Variants in ZIK1 observed in about 807,000 individuals in gnomAD.
The protein encoded by ZIK1 is zinc finger protein interacting with ribonucleoprotein K.
ZIK1 carries 12 observed loss-of-function variants against 10.7 expected under a neutral mutation model. The ratio of observed to expected loss-of-function variants is 1.12; its 90% CI spans 0.72 to 1.81. ZIK1 has a LOEUF of 1.81. Ranked by LOEUF, ZIK1 falls within the 40% of genes most tolerant of loss-of-function variation. ZIK1 has a pLI of 0.00. For synonymous variants in ZIK1, 190 were observed against 205.0 expected (o/e 0.93, Z 0.63); for missense variants, 497 against 585.7 (o/e 0.85, Z 1.56).
chr19:57,584,169 T>C lies in ZIK1; in HGVS notation c.-188T>C. ...CAGTGGCGGTCATTTTTGCAGCGCTTGGGTGCATCCAGACCGTCAGAGCTT... is the reference window on the plus strand; with the variant it reads ...CAGTGGCGGTCATTTTTGCAGCGCTCGGGTGCATCCAGACCGTCAGAGCTT... On this transcript the variant is annotated 5_prime_UTR_variant, in exon 1 of 4. Coordinates refer to ENST00000597850, the MANE Select transcript of ZIK1 (RefSeq NM_001010879.4). The C allele has an allele frequency of 1.8e-6, 2 of 1,131,390 alleles. No homozygotes were observed. The highest frequency in any genetic ancestry group is 1.7e-5 in the South Asian group (1 of 60,008). 70.1% of individuals were successfully genotyped at this position (1,131,390 alleles called of 1,614,324 possible).
chr19:57,593,531 CTG>C lies in ZIK1; in HGVS notation c.*2260_*2261del, dbSNP rs1979884632. On this transcript the variant is annotated 3_prime_UTR_variant, in exon 4 of 4. Transcript: ENST00000597850. ...AATATGCAGAAATGCTTTATTTCTC[CTG>C]TGTCAGTAGTACAGTGTACGTGAAT... is the stretch of plus-strand genomic sequence containing the variant. 1 of 152,090 alleles carries C rather than the reference CTG, an allele frequency of 6.6e-6. No homozygotes were observed. Among genetic ancestry groups the C allele is most frequent in the Non-Finnish European group, 1.5e-5 (1 of 68,030 alleles). The allele number at this position is 152,090 out of a possible 1,614,324, so 9.4% of individuals were successfully genotyped here.
chr19:57,589,435 T>A (rs1293847627), intron 3 of ZIK1: 7 of 985,450 alleles, frequency 7.1e-6, no homozygotes, highest in Non-Finnish European at 8.4e-6. Context: ...TCTCTCTTAT[T>A]ATTTTTATCT....
chr19:57,584,502 C>T (rs1479377071), intron 1 of ZIK1, 113 bp downstream of exon 1: 1 of 1,439,414 alleles, frequency 6.9e-7, no homozygotes, highest in African/African-American at 1.4e-5. Context: ...GGTGGGGTCC[C>T]TATTTCCAGA....
At position 57,591,019 on chromosome 19, in the gene ZIK1, G is replaced by A; in HGVS notation, c.1208G>A (p.Gly403Glu). 3 of 1,614,138 alleles carry A rather than the reference G, an allele frequency of 1.9e-6. No homozygotes were observed. Among genetic ancestry groups the A allele is most frequent in the Non-Finnish European group, 2.5e-6 (3 of 1,180,022 alleles). ...TLIKHQRVHT[G>E]ERPYKCGDCG... is the part of the protein sequence containing the mutation. Reference sequence around the variant, plus strand: ...ATTAAACACCAGAGAGTTCACACTGGAGAAAGGCCTTATAAGTGTGGTGAC... The same window carrying A: ...ATTAAACACCAGAGAGTTCACACTGAAGAAAGGCCTTATAAGTGTGGTGAC... The change falls in exon 4 of 4, where the codon GGA (glycine) becomes GAA (glutamate). Residue 403 changes from glycine to glutamate, a missense_variant. Coordinates refer to ENST00000597850, the MANE Select transcript of ZIK1 (RefSeq NM_001010879.4).
chr19:57,584,555 C>T lies in ZIK1; in HGVS notation c.33+166C>T. 4 of 1,412,598 alleles carry T rather than the reference C, an allele frequency of 2.8e-6. No individual in the cohort carries two copies. In the South Asian group the frequency reaches 4.7e-5, roughly 17 times the overall value. 87.5% of individuals were successfully genotyped at this position (1,412,598 alleles called of 1,614,324 possible). A position where few individuals can be genotyped will look rare whatever the true frequency, so the allele number is the denominator to read the frequency against. ...CGGAAGAGGGTTACAGGCAAAGGGA[C>T]CAGCGTTTCTAAACTCTTGGAGACA... On this transcript the variant is annotated intron_variant, in intron 1 of 3. Coordinates refer to ENST00000597850, the MANE Select transcript of ZIK1 (RefSeq NM_001010879.4).
chr19:57,584,862 T>A, intron 1 of ZIK1, 90 bp from the exon 2 acceptor site: 1 of 1,464,972 alleles, frequency 6.8e-7, no homozygotes, highest in Non-Finnish European at 9.4e-7. Flanking sequence ...TCAGTCCACC[T>A]GGCTCTGGCC....
Position 57,590,156 on chromosome 19 carries a change from A to G in ZIK1, c.345A>G (p.Leu115=). Residue 115 remains leucine (L), a synonymous_variant, in exon 4 of 4, where the codon CTA becomes CTG. Transcript: ENST00000597850. ...CVPVLKDILH[L]ADLPGQKPYL... ...CAGTCCTGAAAGATATTTTGCATCTAGCTGATCTCCCTGGGCAGAAACCAT... is the reference window on the plus strand; with the variant it reads ...CAGTCCTGAAAGATATTTTGCATCTGGCTGATCTCCCTGGGCAGAAACCAT... 1.2e-6 allele frequency: 2 copies of G among 1,614,230 alleles called. No individual in the cohort carries two copies. Among genetic ancestry groups the G allele is most frequent in the Non-Finnish European group, 1.7e-6 (2 of 1,180,048 alleles).
intron 1 of ZIK1, 95 bp from the exon 2 acceptor site, chr19:57,584,857 C>A: frequency 7.1e-7 from 1 of 1,416,072 alleles, no homozygotes; most frequent in South Asian, 1.3e-5. Flanking sequence ...CATCCTCAGT[C>A]CACCTGGCTC....
Position 57,592,756 on chromosome 19 carries a change from T to C in ZIK1, c.*1481T>C, listed in dbSNP as rs1454644467. On this transcript the variant is annotated 3_prime_UTR_variant, in exon 4 of 4. Coordinates refer to ENST00000597850, the MANE Select transcript of ZIK1 (RefSeq NM_001010879.4). ...GAAAGTTGGGTGATCAGATACTTTATTGTGAAACATGTTTTACAAACTTTC... is the reference window on the plus strand; with the variant it reads ...GAAAGTTGGGTGATCAGATACTTTACTGTGAAACATGTTTTACAAACTTTC... The C allele has an allele frequency of 1.3e-5, 2 of 152,340 alleles. No individual in the cohort carries two copies. The highest frequency in any genetic ancestry group is 2.4e-5 in the African/African-American group (1 of 41,572). The allele number at this position is 152,340 out of a possible 1,614,324, so 9.4% of individuals were successfully genotyped here.
chr19:57,589,163 C>G (rs1355085013), intron 3 of ZIK1: 6 of 611,690 alleles, frequency 9.8e-6, no homozygotes, highest in Non-Finnish European at 1.2e-5. Context: ...CTCACATGTT[C>G]TGTCTTTCTG....
At position 57,592,052 on chromosome 19, in the gene ZIK1, CTG is replaced by C. The variant is rs1397975468; in HGVS notation, c.*780_*781del. On this transcript the variant is annotated 3_prime_UTR_variant, in exon 4 of 4. Transcript: ENST00000597850. The stretch of plus-strand genomic sequence containing the variant: ...TTTGTGGCCTGGATCCCTATTCTTT[CTG>C]TGAGACTAGAGGTCATCCTGAGGAG... The C allele has an allele frequency of 1.3e-5, 2 of 152,166 alleles. No homozygotes were observed. Among genetic ancestry groups the C allele is most frequent in the African/African-American group, 4.8e-5 (2 of 41,444 alleles). The allele number at this position is 152,166 out of a possible 1,614,324, so 9.4% of individuals were successfully genotyped here. A position where few individuals can be genotyped will look rare whatever the true frequency, so the allele number is the denominator to read the frequency against.
chr19:57,588,616 C>G lies in ZIK1; in HGVS notation c.150C>G (p.Leu50=). The part of the protein sequence containing the change: ...EWGLLDEAQR[L]LYLEVMLENF... ...GACTTCTTGATGAGGCTCAGAGACTCCTGTACCTTGAAGTGATGCTGGAGA... is the reference window on the plus strand; with the variant it reads ...GACTTCTTGATGAGGCTCAGAGACTGCTGTACCTTGAAGTGATGCTGGAGA... The change falls in exon 3 of 4, where the codon CTC becomes CTG. Residue 50 remains leucine (L), a synonymous_variant. Coordinates refer to ENST00000597850, the MANE Select transcript of ZIK1 (RefSeq NM_001010879.4). 1 of 1,591,340 alleles carries G rather than the reference C, an allele frequency of 6.3e-7. No individual in the cohort carries two copies. Among genetic ancestry groups the G allele is most frequent in the Non-Finnish European group, 8.6e-7 (1 of 1,166,686 alleles).
In ZIK1 at chr19:57,591,331, T is replaced by G. The variant is rs1222862520; in HGVS notation, c.*56T>G. ...GCCTTCAACTCAAGATCTATCATCA[T>G]TTAGCTCCTGAAAGTCCACACTTAA... On this transcript the variant is annotated 3_prime_UTR_variant, in exon 4 of 4. Transcript: ENST00000597850. 1 of 1,517,640 alleles carries G rather than the reference T, an allele frequency of 6.6e-7. No homozygotes were observed. The highest frequency in any genetic ancestry group is 8.9e-7 in the Non-Finnish European group (1 of 1,123,958). The allele number at this position is 1,517,640 out of a possible 1,614,324, so 94.0% of individuals were successfully genotyped here.
At chr19:57,585,464 A>C (rs932332218) in intron 2 of ZIK1, among the ~76,000 whole-genome samples, 1 of 152,182 alleles carries the variant, frequency 6.6e-6, no homozygotes, top group South Asian at 2.1e-4. Flanking sequence ...TAGAAAGACC[A>C]GGGAGGAGGC....
Position 57,590,733 on chromosome 19 carries a change from TC to T in ZIK1, c.924del (p.Ser309AlafsTer202), listed in dbSNP as rs1434407931. 2.5e-6 allele frequency: 4 copies of T among 1,614,062 alleles called. No homozygotes were observed. The highest frequency in any genetic ancestry group is 1.6e-4 in the Middle Eastern group (1 of 6,062). ...ATGTGGAAAATTATTTAGACAAAAC[TC>T]CAGCCTTGTTGACCACCAGAAAATA... ...SECGKLFRQNSSLVDHQKIHT... is the reference protein window; with the variant it reads ...SECGKLFRQNXSLVDHQKIHT... On this transcript the variant is annotated frameshift_variant, in exon 4 of 4. Transcript: ENST00000597850. LOFTEE classifies it low-confidence loss of function (END_TRUNC).
intron 3 of ZIK1, chr19:57,589,670 TG>T (rs1435698898): frequency 3.5e-5 from 34 of 985,346 alleles, no homozygotes; most frequent in Non-Finnish European, 4.0e-5. Flanking sequence ...AGCATGCAGG[TG>T]TCACCAGCAG....
chr19:57,589,585 G>A lies in ZIK1; in HGVS notation c.200-426G>A, dbSNP rs895806744. The A allele has an allele frequency of 1.1e-5, 11 of 985,014 alleles. No homozygotes were observed. The African/African-American group carries it at 1.6e-4, about 14-fold the overall frequency. The allele number at this position is 985,014 out of a possible 1,614,324, so 61.0% of individuals were successfully genotyped here. ...AAGTATGTATATATGACCACATGAAGATATGTGATCATATCACTTGCTACT... is the reference window on the plus strand; with the variant it reads ...AAGTATGTATATATGACCACATGAAAATATGTGATCATATCACTTGCTACT... On this transcript the variant is annotated intron_variant, in intron 3 of 3. Coordinates refer to ENST00000597850, the MANE Select transcript of ZIK1 (RefSeq NM_001010879.4).
In ZIK1 at chr19:57,584,192, C is replaced by T. The variant is rs1978915613; in HGVS notation, c.-165C>T. 4 of 1,342,876 alleles carry T rather than the reference C, an allele frequency of 3.0e-6. No individual in the cohort carries two copies. Among genetic ancestry groups the T allele is most frequent in the East Asian group, 2.6e-5 (1 of 37,838 alleles). The allele number at this position is 1,342,876 out of a possible 1,614,324, so 83.2% of individuals were successfully genotyped here. ...CTTGGGTGCATCCAGACCGTCAGAG[C>T]TTTGGGAGCGCTTTGTTTGGCGACA... On this transcript the variant is annotated 5_prime_UTR_variant, in exon 1 of 4. Coordinates refer to ENST00000597850, the MANE Select transcript of ZIK1 (RefSeq NM_001010879.4).
rs1007869897 is a variant in ZIK1, at chr19:57,584,155, A to G, written c.-202A>G. 6.8e-6 allele frequency: 7 copies of G among 1,031,460 alleles called. No homozygotes were observed. In the African/African-American group the frequency reaches 9.9e-5, roughly 15 times the overall value. The allele number at this position is 1,031,460 out of a possible 1,614,324, so 63.9% of individuals were successfully genotyped here. A position where few individuals can be genotyped will look rare whatever the true frequency, so the allele number is the denominator to read the frequency against. ...TTCCGGTATCACTTCAGTGGCGGTC[A>G]TTTTTGCAGCGCTTGGGTGCATCCA... On this transcript the variant is annotated 5_prime_UTR_variant, in exon 1 of 4. Coordinates refer to ENST00000597850, the MANE Select transcript of ZIK1 (RefSeq NM_001010879.4).
Sources: gnomAD v4.1 joint callset for allele counts (sites outside exome capture counted in the v4.1 genomes callset) on GRCh38, gnomAD v4.1.1 for gene constraint, MANE v1.5 for transcripts, NCBI Gene and HGNC (gene_info 2026-07-23, HGNC 2026-07-21) for gene names.